The following PLEC variants were observed in gnomAD, a reference collection of about 807,000 sequenced individuals.
PLEC encodes the protein hemidesmosomal protein 1.
In PLEC, 216 loss-of-function variants were observed where a neutral mutation model predicts 392.8. The observed-to-expected ratio is 0.55, with a 90% CI of 0.49 to 0.62. The LOEUF (loss-of-function observed/expected upper bound fraction) is 0.62. Among genes scored for constraint, PLEC ranks in the 20% least tolerant of loss-of-function variants. PLEC has a pLI of 0.00. For missense variants in PLEC, 6,863 were observed against 6,563.4 expected, an observed-to-expected ratio of 1.05 and a Z score of -1.58; for synonymous variants, 3,621 against 2,980.6, an observed-to-expected ratio of 1.21 and a Z score of -7.00.
chr8:143,939,332 C>A lies in PLEC; in HGVS notation c.112+18G>T. The stretch of plus-strand genomic sequence containing the variant: ...GCCCGCCCTGCCTGGCGGGGGTGCC[C>A]GAGGGGAGCCCTGCTACCTTTCTTG... On this transcript the variant is annotated intron_variant, in intron 1 of 31. Transcript: ENST00000345136. 6.2e-7 allele frequency: 1 copy of A among 1,605,196 alleles called. No homozygotes were observed. Among genetic ancestry groups the A allele is most frequent in the East Asian group, 2.2e-5 (1 of 44,604 alleles).
chr8:143,942,637 T>TC (rs1383272918), upstream of PLEC: 39 of 1,193,682 alleles, frequency 3.3e-5, no homozygotes, highest in Non-Finnish European at 4.1e-5. Flanking sequence ...CTCTTCCACC[T>TC]CCCCCCCACA....
Position 143,929,144 on chromosome 8 carries a change from C to T in PLEC, c.3219G>A (p.Lys1073=). ...CAGACAGGCTGCGGACCTGCTCCAGCTTGCCCAGCGTCAGCTCCAGCTCCG... is the reference window on the plus strand; with the variant it reads ...CAGACAGGCTGCGGACCTGCTCCAGTTTGCCCAGCGTCAGCTCCAGCTCCG... ...LRSELELTLG[K]LEQVRSLSAI... Residue 1073 remains lysine, a synonymous_variant, in exon 25 of 32, where the codon AAG becomes AAA. Transcript: ENST00000345136. The T allele has an allele frequency of 6.3e-7, 1 of 1,590,016 alleles. No individual in the cohort carries two copies.
chr8:143,936,956 G>A lies in PLEC; in HGVS notation c.435+23C>T, dbSNP rs781987609. The A allele has an allele frequency of 7.6e-6, 12 of 1,571,536 alleles. No homozygotes were observed. In the South Asian group the frequency reaches 7.8e-5, roughly 10 times the overall value. On this transcript the variant is annotated intron_variant, in intron 5 of 31. Coordinates refer to ENST00000345136, the MANE Select transcript of PLEC (RefSeq NM_201384.3). Reference sequence around the variant, plus strand: ...CCTGGAAACTCCTGCAGGGGGTGGGGGTCCTGGGGGCAGCCGTTCTACCTG... The same window carrying A: ...CCTGGAAACTCCTGCAGGGGGTGGGAGTCCTGGGGGCAGCCGTTCTACCTG...
exon 1 of PLEC, chr8:143,950,652 G>A: frequency 1.3e-6 from 2 of 1,587,332 alleles, no homozygotes; most frequent in South Asian, 2.3e-5. Flanking sequence ...TCGCGGAAGA[G>A]CACCTCATAG....
At chr8:143,961,605 A>C (rs1832876969) in intron 1 of PLEC, among the ~76,000 whole-genome samples, 1 of 152,220 alleles carries the variant, frequency 6.6e-6, no homozygotes, top group African/African-American at 2.4e-5. Flanking sequence ...TTTCTAATAC[A>C]AAAATCCAAA....
Position 143,917,009 on chromosome 8 carries a change from G to A in PLEC, c.12812C>T (p.Ser4271Leu), listed in dbSNP as rs1820783057. ...GGGGCCCGTCTCCTCAGTGGGGTCT[G>A]ACCAGGAGGCCAGCTGGGTCCTGGA... is the stretch of plus-strand genomic sequence containing the variant. ...AVSRTQLASW[S>L]DPTEETGPVA... The change falls in exon 32 of 32, where the codon TCA (serine) becomes TTA (leucine). Residue 4271 changes from serine to leucine, a missense_variant. By Grantham distance (145) the Ser-to-Leu change is moderately radical. Coordinates refer to ENST00000345136, the MANE Select transcript of PLEC (RefSeq NM_201384.3). The A allele has an allele frequency of 5.0e-6, 8 of 1,612,596 alleles. No individual in the cohort carries two copies. Among genetic ancestry groups the A allele is most frequent in the African/African-American group, 2.7e-5 (2 of 75,050 alleles).
chr8:143,921,669 T>A lies in PLEC; in HGVS notation c.8152A>T (p.Arg2718Trp), dbSNP rs1554686609. ...GCCGTGCCGGGACTCAGCAGCTGCC[T>A]CTGCAGGGCGGCGTAAACACTCAGC... ...EKLSVYAALQ[R>W]QLLSPGTALI... The change falls in exon 32 of 32, where the codon AGG becomes TGG. Residue 2718 changes from arginine (R) to tryptophan (W), a missense_variant. Physicochemically the swap from Arg to Trp is moderately radical, Grantham distance 101. Coordinates refer to ENST00000345136, the MANE Select transcript of PLEC (RefSeq NM_201384.3). 6.2e-7 allele frequency: 1 copy of A among 1,613,164 alleles called. No homozygotes were observed. Among genetic ancestry groups the A allele is most frequent in the Non-Finnish European group, 8.5e-7 (1 of 1,179,926 alleles).
rs782636452 is a variant in PLEC, at chr8:143,921,888, T to C, written c.7933A>G (p.Ser2645Gly). ...ACCTTCCGCCGCAGGCCATCGAAGC[T>C]GTGCTCCGGCTCTGCCTCTGCCGCG... ...GPAAEAEPEH[S>G]FDGLRRKVSA... The change falls in exon 32 of 32, where the codon AGC (serine) becomes GGC (glycine). Residue 2645 changes from serine (S) to glycine (G), a missense_variant. Ser to Gly is a moderately conservative substitution (Grantham distance 56, BLOSUM62 0). Transcript: ENST00000345136. The C allele has an allele frequency of 1.9e-6, 3 of 1,601,030 alleles. No homozygotes were observed. The South Asian group carries it at 3.3e-5, about 18-fold the overall frequency.
chr8:143,925,236 C>G lies in PLEC; in HGVS notation c.4693G>C (p.Val1565Leu). 6.3e-7 allele frequency: 1 copy of G among 1,589,660 alleles called. No homozygotes were observed. The highest frequency in any genetic ancestry group is 8.5e-7 in the Non-Finnish European group (1 of 1,175,940). The change falls in exon 31 of 32, where the codon GTG becomes CTG. Residue 1565 changes from valine to leucine, a missense_variant. Val to Leu is a conservative substitution (Grantham distance 32). Coordinates refer to ENST00000345136, the MANE Select transcript of PLEC (RefSeq NM_201384.3). ...AEVERARQVQ[V>L]ALETAQRSAE... ...CTGCGCTGCGCCGTCTCCAGGGCCA[C>G]CTGTACCTGCCGCGCTCGCTCCACC...
rs1554680084 is a variant in PLEC, at chr8:143,919,982, G to C, written c.9839C>G (p.Thr3280Ser). 1 of 1,613,328 alleles carries C rather than the reference G, an allele frequency of 6.2e-7. No individual in the cohort carries two copies. Among genetic ancestry groups the C allele is most frequent in the Non-Finnish European group, 8.5e-7 (1 of 1,180,020 alleles). Residue 3280 changes from threonine to serine, a missense_variant, in exon 32 of 32, where the codon ACC (threonine) becomes AGC (serine). Transcript: ENST00000345136. ...LLRQFRTGKVTVEKVIKILIT... is the reference protein window; with the variant it reads ...LLRQFRTGKVSVEKVIKILIT... ...GAGAATCTTGATGACCTTCTCCACG[G>C]TGACCTTGCCCGTGCGGAACTGACG...
chr8:143,930,870 C>T (rs1001371214), intron 19 of PLEC, among the ~76,000 whole-genome samples: 16 of 152,212 alleles, frequency 1.1e-4, no homozygotes, highest in Admixed American at 2.0e-4. Flanking sequence ...CATCCCACCC[C>T]TCTGCGGGGG....
rs782784064 is a variant in PLEC, at chr8:143,925,727, ACCT to A, written c.4199_4201del (p.Glu1400del). The A allele has an allele frequency of 1.7e-5, 27 of 1,593,200 alleles. No homozygotes were observed. The highest frequency in any genetic ancestry group is 7.7e-5 in the South Asian group (7 of 90,576). On this transcript the variant is annotated inframe_deletion, in exon 31 of 32. Transcript: ENST00000345136. Reference sequence around the variant, plus strand: ...CACCGCCGCCTCCTCCCGCCGCACCACCTCCTCCTGCATGCGCTGCTGCAGCTC... The same window carrying A: ...CACCGCCGCCTCCTCCCGCCGCACCACCTCCTGCATGCGCTGCTGCAGCTC...
Position 143,926,885 on chromosome 8 carries a change from G to A in PLEC, c.3946-3C>T, listed in dbSNP as rs781797547. ...TAGTGCGTACGCAGGTCCACGTACT[G>A]TGGAGTAGAGCCAGGGTTAGCCCTG... On this transcript the variant is annotated splice_region_variant and splice_polypyrimidine_tract_variant and intron_variant, in intron 29 of 31. Transcript: ENST00000345136. 19 of 1,611,758 alleles carry A rather than the reference G, an allele frequency of 1.2e-5. No individual in the cohort carries two copies. The highest frequency in any genetic ancestry group is 7.7e-5 in the South Asian group (7 of 91,068).
Position 143,925,268 on chromosome 8 carries a change from T to C in PLEC, c.4661A>G (p.Gln1554Arg), listed in dbSNP as rs1824616742. The C allele has an allele frequency of 1.9e-6, 3 of 1,580,690 alleles. No homozygotes were observed. The stretch of plus-strand genomic sequence containing the variant: ...CTGCCGCGCTCGCTCCACCTCGGCC[T>C]GCCGCAGGCGCCGCTCCGCCTCCTC... ...QAEEAERRLR[Q>R]AEVERARQVQ... Residue 1554 changes from glutamine (Q) to arginine (R), a missense_variant, in exon 31 of 32, where the codon CAG becomes CGG. Physicochemically the swap from Gln to Arg is conservative, Grantham distance 43 (BLOSUM62 1). Transcript: ENST00000345136.
At position 143,922,112 on chromosome 8, in the gene PLEC, T is replaced by C; in HGVS notation, c.7709A>G (p.Gln2570Arg). The C allele has an allele frequency of 6.4e-7, 1 of 1,551,050 alleles. No homozygotes were observed. Among genetic ancestry groups the C allele is most frequent in the South Asian group, 1.2e-5 (1 of 86,166 alleles). The change falls in exon 32 of 32, where the codon CAG becomes CGG. Residue 2570 changes from glutamine to arginine, a missense_variant. Coordinates refer to ENST00000345136, the MANE Select transcript of PLEC (RefSeq NM_201384.3). ...HEAEEGVRRKQEELQQLEQQR... is the reference protein window; with the variant it reads ...HEAEEGVRRKREELQQLEQQR... ...CTGCTCCAGCTGCTGCAGCTCCTCCTGCTTGCGCCGCACGCCCTCCTCGGC... is the reference window on the plus strand; with the variant it reads ...CTGCTCCAGCTGCTGCAGCTCCTCCCGCTTGCGCCGCACGCCCTCCTCGGC...
At chr8:143,943,703 C>G, upstream of PLEC, 1 of 1,358,676 alleles carries the variant, frequency 7.4e-7, no homozygotes, top group Non-Finnish European at 1.0e-6. Flanking sequence ...GGGGAGGGCG[C>G]AGGGAATGAA....
At chr8:143,976,417 C>T (rs1554746041), upstream of PLEC, among the ~76,000 whole-genome samples, 1 of 152,096 alleles carries the variant, frequency 6.6e-6, no homozygotes. Context: ...CGCGCCCCGC[C>T]CCCACTGGCT....
Position 143,919,424 on chromosome 8 carries a change from T to C in PLEC, c.10397A>G (p.Glu3466Gly). 1 of 1,613,360 alleles carries C rather than the reference T, an allele frequency of 6.2e-7. No individual in the cohort carries two copies. Among genetic ancestry groups the C allele is most frequent in the Non-Finnish European group, 8.5e-7 (1 of 1,179,856 alleles). The part of the protein sequence containing the change: ...VLRQHGIRLL[E>G]AQIATGGIID... ...GATGCCGCCCGTGGCGATCTGGGCCTCCAGCAGGCGGATGCCGTGCTGCCG... is the reference window on the plus strand; with the variant it reads ...GATGCCGCCCGTGGCGATCTGGGCCCCCAGCAGGCGGATGCCGTGCTGCCG... The change falls in exon 32 of 32, where the codon GAG becomes GGG. Residue 3466 changes from glutamate to glycine, a missense_variant. Glu to Gly is a moderately conservative substitution (Grantham distance 98). Coordinates refer to ENST00000345136, the MANE Select transcript of PLEC (RefSeq NM_201384.3).
intron 3 of PLEC, 89 bp downstream of exon 3, chr8:143,938,061 TG>T: frequency 1.1e-6 from 1 of 888,822 alleles, no homozygotes; most frequent in Non-Finnish European, 1.8e-6. Flanking sequence ...CCAAGTAGAG[TG>T]GGCGGCCGGA....
Sources: allele counts gnomAD v4.1 joint callset (sites outside exome capture counted in the v4.1 genomes callset), GRCh38; gene constraint gnomAD v4.1.1; transcripts MANE v1.5; gene names NCBI Gene and HGNC (gene_info 2026-07-23, HGNC 2026-07-21).